Variants in CHRDL1 observed in about 807,000 individuals in gnomAD.
CHRDL1 encodes the protein chordin-like protein 1.
A neutral mutation model predicts 40.9 loss-of-function variants in CHRDL1; 19 were observed. The observed-to-expected ratio is 0.46, with a 90% CI of 0.32 to 0.68. The LOEUF (loss-of-function observed/expected upper bound fraction) is 0.68. Among genes scored for constraint, CHRDL1 ranks in the 30% least tolerant of loss-of-function variants. The pLI is 0.03. For synonymous variants in CHRDL1, 136 were observed against 123.4 expected, an observed-to-expected ratio of 1.10 and a Z score of -0.68; for missense variants, 329 against 352.1, an observed-to-expected ratio of 0.93 and a Z score of 0.53.
At chrX:110,756,401 T>G (rs1292606196) in intron 4 of CHRDL1, among the ~76,000 whole-genome samples, 1 of 111,113 alleles carries the variant, frequency 9.0e-6, no homozygotes, top group African/African-American at 3.3e-5. Flanking sequence ...AGTTGGGGAC[T>G]AGGGTCACAC....
At chrX:110,785,568 T>C (rs908043886) in intron 2 of CHRDL1, among the ~76,000 whole-genome samples, 2 of 111,541 alleles carry the variant, frequency 1.8e-5, no homozygotes, top group African/African-American at 6.5e-5. Context: ...TAAGTTTATA[T>C]AAATAAATAA....
At chrX:110,783,126 T>C (rs988286379) in intron 2 of CHRDL1, among the ~76,000 whole-genome samples, 3 of 112,345 alleles carry the variant, frequency 2.7e-5, no homozygotes, top group Admixed American at 1.9e-4. Flanking sequence ...AAGTAAACAT[T>C]ATAATTTTTT....
chrX:110,729,607 G>A (rs972854412), intron 4 of CHRDL1, among the ~76,000 whole-genome samples: 5 of 111,907 alleles, frequency 4.5e-5, no homozygotes, highest in South Asian at 3.7e-4. Context: ...GGCCTTTGAT[G>A]TTTTATTCAT....
intron 4 of CHRDL1, among the ~76,000 whole-genome samples, chrX:110,745,820 T>G (rs1472009051): frequency 2.7e-5 from 3 of 111,890 alleles, no homozygotes; most frequent in Non-Finnish European, 5.6e-5. Flanking sequence ...GAAATTAATA[T>G]GAGTGAGTGA....
At position 110,718,179 on chromosome X, in the gene CHRDL1, G is replaced by C. The variant is rs143507984; in HGVS notation, c.541+1656C>G. 3.0e-3 allele frequency among the ~76,000 whole-genome samples: 335 copies of C among 111,635 alleles called. 3 individuals carry two copies. Among genetic ancestry groups the C allele is most frequent in the African/African-American group, 0.01 (321 of 30,738 alleles). ...TTCAACTACAAAGTAGCAAGGCTGG[G>C]ATTAGAACCAAGGCAGTTTGGCTCC... On this transcript the variant is annotated intron_variant, in intron 6 of 11. Coordinates refer to ENST00000372042, the MANE Select transcript of CHRDL1 (RefSeq NM_001143981.2).
intron 4 of CHRDL1, among the ~76,000 whole-genome samples, chrX:110,748,205 C>T (rs1603219146): frequency 8.9e-6 from 1 of 112,119 alleles, no homozygotes; most frequent in East Asian, 2.8e-4. Flanking sequence ...AGGTTTCATA[C>T]TCTAATCCTT....
chrX:110,792,230 G>A lies in CHRDL1; in HGVS notation c.-34-15C>T, dbSNP rs1324546247. On this transcript the variant is annotated splice_polypyrimidine_tract_variant and intron_variant, in intron 1 of 11. Transcript: ENST00000372042. ...GAACCTTCAAGCTGTTGGGAAGAAA[G>A]CAGAAAAAAGACTTAACACAGATCT... is the stretch of plus-strand genomic sequence containing the variant. The A allele has an allele frequency of 5.3e-6, 4 of 747,734 alleles. No individual in the cohort carries two copies. The highest frequency in any genetic ancestry group is 2.7e-5 in the Admixed American group (1 of 37,366). The allele number at this position is 747,734 out of a possible 1,213,427, so 61.6% of individuals were successfully genotyped here.
intron 4 of CHRDL1, among the ~76,000 whole-genome samples, chrX:110,729,583 T>C (rs917283471): frequency 3.6e-5 from 4 of 111,718 alleles, no homozygotes; most frequent in African/African-American, 6.5e-5. Flanking sequence ...TCTAGATAAT[T>C]ATATTGTAAC....
At chrX:110,729,612 A>G (rs940574259) in intron 4 of CHRDL1, among the ~76,000 whole-genome samples, 22 of 112,024 alleles carry the variant, frequency 2.0e-4, no homozygotes, top group African/African-American at 6.8e-4. Flanking sequence ...TTGATGTTTT[A>G]TTCATAATGA....
At chrX:110,790,856 G>C (rs1400645020) in intron 2 of CHRDL1, among the ~76,000 whole-genome samples, 1 of 106,174 alleles carries the variant, frequency 9.4e-6, no homozygotes, top group Non-Finnish European at 1.9e-5. Context: ...GCTGATCCAA[G>C]CTTCCTTGCT....
At chrX:110,694,743 CAGA>C (rs2070351702) in intron 7 of CHRDL1, among the ~76,000 whole-genome samples, 1 of 112,147 alleles carries the variant, frequency 8.9e-6, no homozygotes, top group Non-Finnish European at 1.9e-5. Flanking sequence ...CTGTGCAAAT[CAGA>C]AGGAGAAAGA....
chrX:110,695,028 A>AT (rs372347083), intron 7 of CHRDL1, among the ~76,000 whole-genome samples: 43 of 106,584 alleles, frequency 4.0e-4, no homozygotes, highest in East Asian at 2.9e-3. Context: ...GCTTTGAGGG[A>AT]TTTTTTTTTT....
At chrX:110,760,345 T>C (rs989547753) in intron 3 of CHRDL1, among the ~76,000 whole-genome samples, 15 of 112,384 alleles carry the variant, frequency 1.3e-4, no homozygotes, top group Non-Finnish European at 2.4e-4. Context: ...CCCTGCCTGA[T>C]TTACAATTAC....
Position 110,688,579 on chromosome X carries a change from C to G in CHRDL1, c.988+15G>C. ...AATCTCAGTCAACCAAAAGCAGGGC[C>G]TCCAACCAACGCACCTTTTGCTTTT... On this transcript the variant is annotated intron_variant, in intron 9 of 11. Transcript: ENST00000372042. 1 of 1,181,446 alleles carries G rather than the reference C, an allele frequency of 8.5e-7. No homozygotes were observed. The highest frequency in any genetic ancestry group is 1.2e-6 in the Non-Finnish European group (1 of 868,328).
intron 4 of CHRDL1, among the ~76,000 whole-genome samples, chrX:110,757,517 A>G (rs900596361): frequency 3.6e-5 from 4 of 111,812 alleles, no homozygotes; most frequent in Non-Finnish European, 7.5e-5. Flanking sequence ...TGCACCTATA[A>G]TTTCATACCC....
At chrX:110,762,331 C>A (rs1396370294) in intron 3 of CHRDL1, among the ~76,000 whole-genome samples, 1 of 111,708 alleles carries the variant, frequency 9.0e-6, no homozygotes, top group Non-Finnish European at 1.9e-5. Flanking sequence ...TGCTGGAGTG[C>A]AGTGGTATAA....
Position 110,674,143 on chromosome X carries a change from C to T in CHRDL1, c.*2088G>A, listed in dbSNP as rs982272922. ...CAGCTTGGCCTCTTTACCCTATGTCCTATTCTCTACACAACACCAAACACT... is the reference window on the plus strand; with the variant it reads ...CAGCTTGGCCTCTTTACCCTATGTCTTATTCTCTACACAACACCAAACACT... On this transcript the variant is annotated 3_prime_UTR_variant, in exon 12 of 12. Coordinates refer to ENST00000372042, the MANE Select transcript of CHRDL1 (RefSeq NM_001143981.2). 11 of 111,462 alleles carry T rather than the reference C, an allele frequency of 9.9e-5. No homozygotes were observed. The highest frequency in any genetic ancestry group is 3.6e-4 in the African/African-American group (11 of 30,649). The allele number at this position is 111,462 out of a possible 1,213,427, so 9.2% of individuals were successfully genotyped here.
chrX:110,762,035 C>A (rs1027877605), intron 3 of CHRDL1, among the ~76,000 whole-genome samples: 5 of 112,141 alleles, frequency 4.5e-5, no homozygotes, highest in Admixed American at 9.4e-5. Context: ...CCCTAAAGGT[C>A]AGCCTTAAAA....
At chrX:110,732,373 G>A (rs866510473) in intron 4 of CHRDL1, among the ~76,000 whole-genome samples, 5 of 111,629 alleles carry the variant, frequency 4.5e-5, no homozygotes, top group Non-Finnish European at 7.5e-5. Context: ...CCAACCCCCA[G>A]TGAGGTCCCA....
Sources: allele counts gnomAD v4.1 joint callset (sites outside exome capture counted in the v4.1 genomes callset), GRCh38; gene constraint gnomAD v4.1.1; transcripts MANE v1.5; gene names NCBI Gene and HGNC (gene_info 2026-07-23, HGNC 2026-07-21).